The following GABRG3 variants were observed in gnomAD, a reference collection of about 807,000 sequenced individuals.
GABRG3 encodes the protein gamma-aminobutyric acid type A receptor subunit gamma3, also known as gamma-aminobutyric acid receptor subunit gamma-3.
In GABRG3, 25 loss-of-function variants were observed where a neutral mutation model predicts 48.8. That is an observed-to-expected ratio of 0.51 (90% CI 0.37 to 0.72). The LOEUF (loss-of-function observed/expected upper bound fraction) is 0.72, where lower values mean the gene tolerates loss of function less well. GABRG3 is among the 30% of genes least tolerant of loss of function. GABRG3 has a pLI of 0.00. For synonymous variants in GABRG3, 227 were observed against 217.6 expected, an observed-to-expected ratio of 1.04 and a Z score of -0.38; for missense variants, 394 against 577.9, an observed-to-expected ratio of 0.68 and a Z score of 3.26.
At chr15:27,370,736 T>C (rs28493965) in intron 5 of GABRG3, among the ~76,000 whole-genome samples, 11,090 of 152,238 alleles carry the variant, frequency 0.073, 909 homozygotes, top group East Asian at 0.29. Flanking sequence ...TGGAAAATAA[T>C]TAGGAATGAC....
At chr15:27,343,023 T>C (rs1030257258) in intron 5 of GABRG3, among the ~76,000 whole-genome samples, 2 of 152,204 alleles carry the variant, frequency 1.3e-5, no homozygotes, top group Non-Finnish European at 2.9e-5. Flanking sequence ...ACAGACTTGC[T>C]ACCAAAACTA....
In GABRG3 at chr15:26,976,857, T is replaced by C; in HGVS notation, c.54-145T>C. 1.5e-6 allele frequency: 1 copy of C among 688,046 alleles called. No homozygotes were observed. The highest frequency in any genetic ancestry group is 2.7e-5 in the East Asian group (1 of 36,450). 42.6% of individuals were successfully genotyped at this position (688,046 alleles called of 1,614,324 possible). The stretch of plus-strand genomic sequence containing the variant: ...TTTGTGTTTCTTTCTTTTTAGAAAA[T>C]ATTTTCGGGTTTTCACGTGTGTGGT... On this transcript the variant is annotated intron_variant, in intron 1 of 9. Coordinates refer to ENST00000615808, the MANE Select transcript of GABRG3 (RefSeq NM_033223.5). The surrounding 1 kb of genome is among the most constrained non-coding windows in gnomAD (Gnocchi z 7.8).
chr15:27,117,292 T>G (rs1045957792), intron 3 of GABRG3, among the ~76,000 whole-genome samples: 1 of 152,222 alleles, frequency 6.6e-6, no homozygotes, highest in Non-Finnish European at 1.5e-5. Flanking sequence ...TCCCACCCCC[T>G]ACTCTGTGAA....
intron 3 of GABRG3, among the ~76,000 whole-genome samples, chr15:27,118,310 A>C (rs978751202): frequency 2.0e-5 from 3 of 152,146 alleles, no homozygotes; most frequent in African/African-American, 7.2e-5. Flanking sequence ...TATATGGTAC[A>C]CGAGATAAGG....
intron 3 of GABRG3, among the ~76,000 whole-genome samples, chr15:27,226,295 C>T (rs542159358): frequency 7.9e-5 from 12 of 152,240 alleles, no homozygotes; most frequent in South Asian, 2.1e-4. Context: ...GGGACAGGCT[C>T]GGGTGCTGCT....
At chr15:27,357,078 T>C (rs75275093) in intron 5 of GABRG3, among the ~76,000 whole-genome samples, 1,608 of 152,278 alleles carry the variant, frequency 0.011, 33 homozygotes, top group African/African-American at 0.037. Context: ...TTTTTAGACT[T>C]CTAAAAGGGG....
rs557464167 is a variant in GABRG3 at position 27,532,472 on chromosome 15, G to A, written c.1123-128G>A. The A allele has an allele frequency of 1.3e-4, 107 of 826,662 alleles. 1 individual carries two copies. In the South Asian group the frequency reaches 2.0e-3, roughly 15 times the overall value. 51.2% of individuals were successfully genotyped at this position (826,662 alleles called of 1,614,324 possible). ...AGACCAACTCTCTCCAGCATGGGGG[G>A]AAGGGCACACCCACGCATCCTCTTT... On this transcript the variant is annotated intron_variant, in intron 9 of 9. Coordinates refer to ENST00000615808, the MANE Select transcript of GABRG3 (RefSeq NM_033223.5).
chr15:27,527,422 C>G lies in GABRG3; in HGVS notation c.866-11C>G. On this transcript the variant is annotated splice_polypyrimidine_tract_variant and intron_variant, in intron 7 of 9. Transcript: ENST00000615808. ...CACCCTTTTACAACATGCTACCCGTCCCCTGTTCAGGCATCACCACGGTGC... is the reference window on the plus strand; with the variant it reads ...CACCCTTTTACAACATGCTACCCGTGCCCTGTTCAGGCATCACCACGGTGC... 4 of 1,611,016 alleles carry G rather than the reference C, an allele frequency of 2.5e-6. No homozygotes were observed. The highest frequency in any genetic ancestry group is 3.4e-6 in the Non-Finnish European group (4 of 1,178,210).
At chr15:27,158,812 C>T (rs1898500649) in intron 3 of GABRG3, among the ~76,000 whole-genome samples, 1 of 152,142 alleles carries the variant, frequency 6.6e-6, no homozygotes, top group South Asian at 2.1e-4. Context: ...TAGGTGAACA[C>T]ATCTTACAGC....
chr15:27,477,743 A>G (rs1228104464), intron 5 of GABRG3, among the ~76,000 whole-genome samples: 1 of 152,144 alleles, frequency 6.6e-6, no homozygotes, highest in African/African-American at 2.4e-5. Context: ...AATAAATTCT[A>G]TTAAAAAGAA....
At chr15:27,026,599 A>C (rs1312195086) in intron 2 of GABRG3, among the ~76,000 whole-genome samples, 155 bp from the exon 3 acceptor site, 4 of 152,216 alleles carry the variant, frequency 2.6e-5, no homozygotes, top group Admixed American at 2.6e-4. Context: ...CAGGGCTTGA[A>C]TTATAATTAC....
At chr15:27,367,631 T>C (rs1895254019) in intron 5 of GABRG3, among the ~76,000 whole-genome samples, 1 of 152,204 alleles carries the variant, frequency 6.6e-6, no homozygotes, top group South Asian at 2.1e-4. Flanking sequence ...TTGAAATCTT[T>C]CAGATACAAA....
chr15:27,087,919 TGTG>T (rs1162322644), intron 3 of GABRG3, among the ~76,000 whole-genome samples: 3 of 147,958 alleles, frequency 2.0e-5, no homozygotes, highest in South Asian at 2.2e-4. Flanking sequence ...TGTGGTGTGC[TGTG>T]GTGTGTGTGT....
At chr15:27,392,576 A>G (rs1887166784) in intron 5 of GABRG3, among the ~76,000 whole-genome samples, 1 of 152,196 alleles carries the variant, frequency 6.6e-6, no homozygotes, top group Non-Finnish European at 1.5e-5. Context: ...GCTTCCCTGT[A>G]AAGTTATTCC....
intron 6 of GABRG3, among the ~76,000 whole-genome samples, chr15:27,490,619 A>G (rs1005195904): frequency 3.3e-5 from 5 of 152,250 alleles, no homozygotes; most frequent in Admixed American, 1.3e-4. Context: ...TCTTTGTCCA[A>G]TGAAACTTTT....
intron 3 of GABRG3, among the ~76,000 whole-genome samples, chr15:27,195,469 C>CT (rs1888465675): frequency 7.0e-6 from 1 of 142,292 alleles, no homozygotes; most frequent in African/African-American, 2.6e-5. Context: ...GTAGCTGGGA[C>CT]TACAGGCATG....
intron 6 of GABRG3, among the ~76,000 whole-genome samples, chr15:27,489,156 G>T (rs942974617): frequency 6.6e-6 from 1 of 151,642 alleles, no homozygotes; most frequent in African/African-American, 2.4e-5. Flanking sequence ...ATGCTAGTTT[G>T]CTGAGAATGA....
At chr15:27,049,968 T>A (rs1409196792) in intron 3 of GABRG3, among the ~76,000 whole-genome samples, 1 of 152,236 alleles carries the variant, frequency 6.6e-6, no homozygotes, top group Non-Finnish European at 1.5e-5. Context: ...GCCTGTGATG[T>A]TGTCTGAAAT....
intron 2 of GABRG3, among the ~76,000 whole-genome samples, chr15:27,005,179 T>G (rs1412863213): frequency 1.3e-5 from 2 of 152,158 alleles, no homozygotes; most frequent in East Asian, 3.8e-4. Flanking sequence ...ATATTTAAAT[T>G]GTTAAATATC....
Sources: allele counts gnomAD v4.1 joint callset (sites outside exome capture counted in the v4.1 genomes callset), GRCh38; gene constraint gnomAD v4.1.1; non-coding constraint Gnocchi (gnomAD v3.1); transcripts MANE v1.5; gene names NCBI Gene and HGNC (gene_info 2026-07-23, HGNC 2026-07-21).